Variants in AGBL1 observed in about 807,000 individuals in gnomAD.
The protein encoded by AGBL1 is AGBL carboxypeptidase 1, also known as cytosolic carboxypeptidase 4.
Under a neutral mutation model 118.9 loss-of-function variants are expected in AGBL1, and 130 were observed. The ratio of observed to expected loss-of-function variants is 1.09; its 90% CI spans 0.95 to 1.26. The LOEUF (loss-of-function observed/expected upper bound fraction) is 1.26. AGBL1 is among the 50% of genes most tolerant of loss of function. AGBL1 has a pLI of 0.00. For missense variants in AGBL1, 1,584 were observed against 1,298.1 expected (o/e 1.22, Z -3.38); for synonymous variants, 555 against 478.9 (o/e 1.16, Z -2.08).
At chr15:86,271,575 A>C in intron 14 of AGBL1, 44 bp from the exon 15 acceptor site, 2 of 1,457,940 alleles carry the variant, frequency 1.4e-6, no homozygotes, top group Non-Finnish European at 1.9e-6. Flanking sequence ...GCCCAGAACA[A>C]CTCTCTTTCC....
intron 23 of AGBL1, among the ~76,000 whole-genome samples, chr15:86,942,093 A>G (rs1394204019): frequency 6.6e-6 from 1 of 152,224 alleles, no homozygotes; most frequent in East Asian, 1.9e-4. Flanking sequence ...TTGAGAACTA[A>G]GATGTTCCTT....
At chr15:86,667,214 CTATGTATGTATGTATG>C (rs769766717) in intron 21 of AGBL1, among the ~76,000 whole-genome samples, 9 of 35,680 alleles carry the variant, frequency 2.5e-4, no homozygotes, top group East Asian at 1.7e-3. Context: ...ATGTATGTAT[CTATGTATGTATGTATG>C]TATGTATGTA....
intron 5 of AGBL1, among the ~76,000 whole-genome samples, chr15:86,211,749 G>C (rs1277766378): frequency 6.6e-6 from 1 of 152,146 alleles, no homozygotes; most frequent in Non-Finnish European, 1.5e-5. Context: ...GGGCATCACG[G>C]CTTCCCTTTG....
chr15:86,544,019 C>A (rs766667948), intron 19 of AGBL1, among the ~76,000 whole-genome samples: 2 of 152,080 alleles, frequency 1.3e-5, no homozygotes, highest in Non-Finnish European at 2.9e-5. Context: ...GTGTATTTTC[C>A]TTGGAGAATA....
At chr15:86,642,079 T>A (rs1213498886) in intron 21 of AGBL1, among the ~76,000 whole-genome samples, 2 of 152,202 alleles carry the variant, frequency 1.3e-5, no homozygotes, top group African/African-American at 2.4e-5. Context: ...GCTTGCATCA[T>A]GTCCACAAAT....
chr15:86,347,819 ATATC>A (rs1027956505), intron 17 of AGBL1, among the ~76,000 whole-genome samples: 4 of 152,234 alleles, frequency 2.6e-5, no homozygotes, highest in African/African-American at 9.6e-5. Context: ...TAGCAAAATG[ATATC>A]TATCAAATCA....
At chr15:87,017,324 A>G (rs2081617016) in intron 24 of AGBL1, among the ~76,000 whole-genome samples, 1 of 152,106 alleles carries the variant, frequency 6.6e-6, no homozygotes, top group African/African-American at 2.4e-5. Context: ...CCATTCTTCC[A>G]GATTGGATGA....
intron 22 of AGBL1, among the ~76,000 whole-genome samples, chr15:86,759,622 G>T (rs192731817): frequency 1.3e-5 from 2 of 152,128 alleles, no homozygotes; most frequent in African/African-American, 4.8e-5. Context: ...CATTTGGTGA[G>T]GTAGCCATTG....
intron 17 of AGBL1, among the ~76,000 whole-genome samples, chr15:86,311,266 ATAGT>A (rs752007898): frequency 8.5e-5 from 13 of 152,312 alleles, no homozygotes; most frequent in Admixed American, 1.3e-4. Flanking sequence ...GTTGTTCAGA[ATAGT>A]TAGTCTATTA....
At chr15:86,798,069 T>G (rs1322961520) in intron 22 of AGBL1, among the ~76,000 whole-genome samples, 1 of 152,164 alleles carries the variant, frequency 6.6e-6, no homozygotes, top group Non-Finnish European at 1.5e-5. Flanking sequence ...GGTACAGATG[T>G]TGCAATTGAA....
intron 19 of AGBL1, among the ~76,000 whole-genome samples, chr15:86,524,785 A>C (rs1255987813): frequency 6.6e-6 from 1 of 152,202 alleles, no homozygotes; most frequent in African/African-American, 2.4e-5. Flanking sequence ...GACAGATCTT[A>C]TTTCAGAGTG....
intron 18 of AGBL1, among the ~76,000 whole-genome samples, chr15:86,490,410 G>T (rs1488486167): frequency 6.6e-6 from 1 of 152,066 alleles, no homozygotes; most frequent in Non-Finnish European, 1.5e-5. Flanking sequence ...TAGAACGAAA[G>T]GTTCCTCTTG....
rs537815673 is a variant in AGBL1, at chr15:86,682,718, GATTA to G, written c.3158+8286_3158+8289del. Among the ~76,000 whole-genome samples the G allele has an allele frequency of 1.8e-3, 273 of 152,084 alleles. 2 individuals carry two copies. The highest frequency in any genetic ancestry group is 6.3e-3 in the African/African-American group (263 of 41,514). On this transcript the variant is annotated intron_variant, in intron 22 of 22. Coordinates refer to ENST00000614907, the MANE Select transcript of AGBL1 (RefSeq NM_001386094.1). ...TTAGCAGTAAAAAAAGAACATTATT[GATTA>G]ATTTTCTGAATTACTATACTACCAT... is the stretch of plus-strand genomic sequence containing the variant.
In AGBL1 at chr15:86,177,708, A is replaced by G. The variant is rs150637216; in HGVS notation, c.488+18682A>G. ...CTAAAGGAACTATAGGTCAAAGAAG[A>G]AATCAAAAGTGAAACTAGAAAGTAT... On this transcript the variant is annotated intron_variant, in intron 5 of 22. Coordinates refer to ENST00000614907, the MANE Select transcript of AGBL1 (RefSeq NM_001386094.1). 3.7e-3 allele frequency among the ~76,000 whole-genome samples: 569 copies of G among 152,350 alleles called. 6 individuals carry two copies. The highest frequency in any genetic ancestry group is 0.013 in the African/African-American group (532 of 41,594).
chr15:86,942,478 A>G (rs1399982378), intron 23 of AGBL1, among the ~76,000 whole-genome samples: 1 of 152,166 alleles, frequency 6.6e-6, no homozygotes, highest in Non-Finnish European at 1.5e-5. Context: ...TCATTGTCTC[A>G]AAAAGTTAAT....
intron 5 of AGBL1, among the ~76,000 whole-genome samples, chr15:86,190,279 T>C (rs190590863): frequency 6.6e-6 from 1 of 152,234 alleles, no homozygotes; most frequent in East Asian, 1.9e-4. Flanking sequence ...AAAAAATTGA[T>C]ACAATTATCA....
At chr15:86,347,255 C>A (rs1390862) in intron 17 of AGBL1, among the ~76,000 whole-genome samples, 49,837 of 151,954 alleles carry the variant, frequency 0.33, 10,571 homozygotes, top group Non-Finnish European at 0.47. Flanking sequence ...TTTACAACAC[C>A]CATCTTACTA....
At chr15:86,522,552 T>G (rs2083203071) in intron 18 of AGBL1, among the ~76,000 whole-genome samples, 2 of 152,224 alleles carry the variant, frequency 1.3e-5, no homozygotes, top group South Asian at 4.1e-4. Context: ...TTTTCCAACT[T>G]TGTCTTAAAA....
intron 22 of AGBL1, among the ~76,000 whole-genome samples, chr15:86,816,147 A>G (rs555730433): frequency 2.8e-4 from 42 of 152,346 alleles, no homozygotes; most frequent in African/African-American, 9.9e-4. Flanking sequence ...GAGAGGACAC[A>G]TTATAAAAGC....
Sources: allele counts gnomAD v4.1 joint callset (sites outside exome capture counted in the v4.1 genomes callset), GRCh38; gene constraint gnomAD v4.1.1; transcripts MANE v1.5; gene names NCBI Gene and HGNC (gene_info 2026-07-23, HGNC 2026-07-21).